Variants in CPNE5 observed in about 807,000 individuals in gnomAD.
The protein encoded by CPNE5 is copine 5, also known as copine-5.
CPNE5 carries 42 observed loss-of-function variants against 81.1 expected under a neutral mutation model. That is an observed-to-expected ratio of 0.52 (90% CI 0.40 to 0.67). CPNE5 has a LOEUF of 0.67. Among genes scored for constraint, CPNE5 ranks in the 30% least tolerant of loss-of-function variants. The probability of loss-of-function intolerance (pLI) is 0.00; values close to 1 mark genes in which losing one functional copy is unlikely to be tolerated. For synonymous variants in CPNE5, 313 were observed against 321.5 expected, an observed-to-expected ratio of 0.97 and a Z score of 0.28; for missense variants, 612 against 815.5, an observed-to-expected ratio of 0.75 and a Z score of 3.04.
rs1554128071 is a variant in CPNE5, at chr6:36,823,111, G to A, written c.96-13C>T. 1 of 1,560,392 alleles carries A rather than the reference G, an allele frequency of 6.4e-7. No individual in the cohort carries two copies. The highest frequency in any genetic ancestry group is 8.7e-7 in the Non-Finnish European group (1 of 1,150,760). ...GTCCAGGAGGTTCCTGAAAGAGGGG[G>A]AGAGAGGAGGGGTTAGCACGGCCAG... On this transcript the variant is annotated splice_polypyrimidine_tract_variant and intron_variant, in intron 1 of 20. Transcript: ENST00000244751.
In CPNE5 at chr6:36,798,389, A is replaced by T. The variant is rs962128430; in HGVS notation, c.327+66T>A. ...ACACATTCCATCACAGCAAAGCCCCAGGCTCACCCAGAGGATGGCATTTCA... is the reference window on the plus strand; with the variant it reads ...ACACATTCCATCACAGCAAAGCCCCTGGCTCACCCAGAGGATGGCATTTCA... On this transcript the variant is annotated intron_variant, in intron 5 of 20. Coordinates refer to ENST00000244751, the MANE Select transcript of CPNE5 (RefSeq NM_020939.2). 7.0e-6 allele frequency: 11 copies of T among 1,562,212 alleles called. No individual in the cohort carries two copies. The African/African-American group carries it at 1.1e-4, about 15-fold the overall frequency.
chr6:36,776,368 T>C (rs775773684), intron 9 of CPNE5, among the ~76,000 whole-genome samples: 4 of 152,244 alleles, frequency 2.6e-5, no homozygotes, highest in Non-Finnish European at 4.4e-5. Context: ...CTCTGCTCCT[T>C]CTCGCCCACC....
At chr6:36,779,369 G>A (rs952052628) in intron 8 of CPNE5, among the ~76,000 whole-genome samples, 5 of 152,200 alleles carry the variant, frequency 3.3e-5, no homozygotes, top group East Asian at 1.9e-4. Flanking sequence ...GTGAACACAC[G>A]TGGTTTCATT....
intron 1 of CPNE5, among the ~76,000 whole-genome samples, chr6:36,837,252 T>C (rs1351838066): frequency 1.3e-5 from 2 of 152,276 alleles, no homozygotes; most frequent in Non-Finnish European, 2.9e-5. Flanking sequence ...CAGGCACTGC[T>C]CTAAGCACAT....
intron 1 of CPNE5, among the ~76,000 whole-genome samples, chr6:36,837,982 C>T (rs555888955): frequency 2.0e-5 from 3 of 152,174 alleles, no homozygotes; most frequent in South Asian, 4.1e-4. Context: ...ATGATCCTGA[C>T]GGCATGGTGT....
At chr6:36,744,350 G>T in intron 18 of CPNE5, 25 bp from the exon 19 acceptor site, 1 of 1,566,872 alleles carries the variant, frequency 6.4e-7, no homozygotes, top group East Asian at 2.3e-5. Context: ...GGGGGGCAGG[G>T]AAAGGTTGGA....
chr6:36,749,661 T>TAAAA lies in CPNE5; in HGVS notation c.972-1398_972-1395dup, dbSNP rs71540165. 4.4e-3 allele frequency among the ~76,000 whole-genome samples: 609 copies of TAAAA among 139,446 alleles called. 4 individuals carry two copies. The highest frequency in any genetic ancestry group is 0.01 in the African/African-American group (380 of 37,610). The allele number at this position is 139,446 out of a possible 152,430, so 91.5% of individuals were successfully genotyped here. On this transcript the variant is annotated intron_variant, in intron 14 of 20. Transcript: ENST00000244751. Reference sequence around the variant, plus strand: ...GAGCAACATAGTGAGACCTCAAAAATAAAAAAAAAAAACCCACTAAAATAA... The same window carrying TAAAA: ...GAGCAACATAGTGAGACCTCAAAAATAAAAAAAAAAAAAAAACCCACTAAAATAA...
In CPNE5 at chr6:36,756,296, C is replaced by A. The variant is rs1342144233; in HGVS notation, c.858G>T (p.Val286=). Residue 286 remains valine, a splice_region_variant and synonymous_variant, in exon 13 of 21, where the codon GTG becomes GTT. Transcript: ENST00000244751. The part of the protein sequence containing the change: ...RGQSQFNIYE[V]VNPKKKMKKK... The stretch of plus-strand genomic sequence containing the variant: ...TCTTCATTTTCTTTTTCGGGTTTAC[C>A]ACCTGCAGGAAAAACCAGTTACCAG... The A allele has an allele frequency of 3.1e-6, 5 of 1,613,626 alleles. No homozygotes were observed. The highest frequency in any genetic ancestry group is 4.2e-6 in the Non-Finnish European group (5 of 1,179,872).
intron 11 of CPNE5, 112 bp downstream of exon 11, chr6:36,765,223 C>T (rs979475705): frequency 1.7e-6 from 2 of 1,195,462 alleles, no homozygotes; most frequent in East Asian, 2.5e-5. Flanking sequence ...CTCCCTCACC[C>T]CCAGAGCCAC....
At chr6:36,760,786 G>C (rs1765948523) in intron 12 of CPNE5, among the ~76,000 whole-genome samples, 1 of 152,168 alleles carries the variant, frequency 6.6e-6, no homozygotes, top group African/African-American at 2.4e-5. Context: ...GCAGACAGCT[G>C]GACATAGGAG....
intron 12 of CPNE5, chr6:36,757,252 G>T: frequency 1.2e-6 from 1 of 861,152 alleles, no homozygotes; most frequent in Non-Finnish European, 1.4e-6. Flanking sequence ...TTTCCCTAAT[G>T]TCCCATCAAA....
intron 10 of CPNE5, among the ~76,000 whole-genome samples, chr6:36,768,054 G>A (rs981546766): frequency 1.3e-5 from 2 of 151,906 alleles, no homozygotes; most frequent in South Asian, 2.1e-4. Context: ...GTGCAAACTC[G>A]GCCTGGCCTC....
At chr6:36,769,573 G>A (rs904355573) in intron 10 of CPNE5, among the ~76,000 whole-genome samples, 3 of 152,228 alleles carry the variant, frequency 2.0e-5, no homozygotes, top group Admixed American at 6.5e-5. Context: ...GGCCCTGAGG[G>A]GTTTTGCCTT....
intron 10 of CPNE5, among the ~76,000 whole-genome samples, chr6:36,768,838 C>A (rs1036359098): frequency 6.6e-6 from 1 of 152,232 alleles, no homozygotes; most frequent in Admixed American, 6.5e-5. Context: ...GGGTGAGCAG[C>A]CCTGGCTGGC....
chr6:36,828,974 A>G (rs1001819179), intron 1 of CPNE5, among the ~76,000 whole-genome samples: 1 of 152,168 alleles, frequency 6.6e-6, no homozygotes, highest in African/African-American at 2.4e-5. Flanking sequence ...GTGAGATTAA[A>G]CTCACATAGT....
chr6:36,819,651 C>T (rs1020626201), intron 3 of CPNE5, among the ~76,000 whole-genome samples: 1 of 152,218 alleles, frequency 6.6e-6, no homozygotes. Context: ...AAGGCCTCCT[C>T]ACCCTCAGGC....
intron 3 of CPNE5, among the ~76,000 whole-genome samples, chr6:36,802,329 C>G (rs1770197896): frequency 6.6e-6 from 1 of 150,798 alleles, no homozygotes; most frequent in Admixed American, 6.6e-5. Flanking sequence ...TAGTACCATG[C>G]ACTTGGGGTC....
chr6:36,757,965 C>T (rs909953986), intron 12 of CPNE5, among the ~76,000 whole-genome samples: 2 of 152,080 alleles, frequency 1.3e-5, no homozygotes, highest in Admixed American at 6.6e-5. Context: ...TGTCACCCAG[C>T]GGCCTGCAGG....
chr6:36,806,625 T>C (rs1032768349), intron 3 of CPNE5, among the ~76,000 whole-genome samples: 4 of 152,222 alleles, frequency 2.6e-5, no homozygotes, highest in Non-Finnish European at 5.9e-5. Flanking sequence ...TTAAACCCTC[T>C]GAGTTTCTCT....
Sources: allele counts gnomAD v4.1 joint callset (sites outside exome capture counted in the v4.1 genomes callset), GRCh38; gene constraint gnomAD v4.1.1; transcripts MANE v1.5; gene names NCBI Gene and HGNC (gene_info 2026-07-23, HGNC 2026-07-21).